CYP7B1: variants seen among roughly 807,000 people sequenced by gnomAD.
CYP7B1 encodes cytochrome P450 7B1.
Under a neutral mutation model 42.7 loss-of-function variants are expected in CYP7B1, and 29 were observed. The observed-to-expected ratio is 0.68, with a 90% CI of 0.51 to 0.93. CYP7B1 has a LOEUF of 0.93. CYP7B1 is among the 40% of genes least tolerant of loss of function. The probability of loss-of-function intolerance (pLI) is 0.00; values close to 1 mark genes in which losing one functional copy is unlikely to be tolerated. For missense variants in CYP7B1, 655 were observed against 600.5 expected, an observed-to-expected ratio of 1.09 and a Z score of -0.95; for synonymous variants, 235 against 218.2, an observed-to-expected ratio of 1.08 and a Z score of -0.68.
At chr8:64,604,571 C>T in intron 5 of CYP7B1, 111 bp downstream of exon 5, 2 of 1,149,580 alleles carry the variant, frequency 1.7e-6, no homozygotes, top group Non-Finnish European at 2.6e-6. Context: ...AGCCATCAAG[C>T]TGCCTCAAAC....
chr8:64,763,838 C>T (rs1306861203), intron 1 of CYP7B1, among the ~76,000 whole-genome samples: 2 of 152,250 alleles, frequency 1.3e-5, no homozygotes, highest in Admixed American at 1.3e-4. Context: ...TGTGCCCCTA[C>T]CTTTCCTTCT....
At chr8:64,622,164 T>C (rs1805541210) in intron 2 of CYP7B1, among the ~76,000 whole-genome samples, 1 of 149,242 alleles carries the variant, frequency 6.7e-6, no homozygotes, top group Non-Finnish European at 1.5e-5. Flanking sequence ...ATTTGCATAA[T>C]ACTGCATAAA....
At chr8:64,773,216 C>A (rs923167469) in intron 1 of CYP7B1, among the ~76,000 whole-genome samples, 3 of 152,164 alleles carry the variant, frequency 2.0e-5, no homozygotes. Flanking sequence ...TAAAACAATG[C>A]CTGGTATATA....
chr8:64,792,623 C>T (rs1804636992), intron 1 of CYP7B1, among the ~76,000 whole-genome samples: 1 of 152,110 alleles, frequency 6.6e-6, no homozygotes, highest in South Asian at 2.1e-4. Flanking sequence ...TGGGATTATC[C>T]AGAAAAGATC....
intron 1 of CYP7B1, among the ~76,000 whole-genome samples, chr8:64,639,926 G>A (rs2129630945): frequency 6.6e-6 from 1 of 152,068 alleles, no homozygotes; most frequent in South Asian, 2.1e-4. Flanking sequence ...ATAATATTTA[G>A]TTTATAGAAT....
intron 1 of CYP7B1, among the ~76,000 whole-genome samples, chr8:64,784,439 T>C (rs1309269941): frequency 2.0e-5 from 3 of 152,184 alleles, no homozygotes; most frequent in Non-Finnish European, 4.4e-5. Flanking sequence ...AGTGAACTGT[T>C]GACTAGAGCC....
Position 64,709,717 on chromosome 8 carries a change from G to C in CYP7B1, c.123-85178C>G, listed in dbSNP as rs368274381. ...TTTGTGTTACAAGCGCCAGAAAAAG[G>C]ATAAACGGCATACACAGTGTATAGC... On this transcript the variant is annotated intron_variant, in intron 1 of 5. Coordinates refer to ENST00000310193, the MANE Select transcript of CYP7B1 (RefSeq NM_004820.5). Among the ~76,000 whole-genome samples, 22 of 152,260 alleles carry C rather than the reference G, an allele frequency of 1.4e-4. No individual in the cohort carries two copies. The South Asian group carries it at 4.6e-3, about 32-fold the overall frequency.
intron 1 of CYP7B1, among the ~76,000 whole-genome samples, chr8:64,722,236 C>T (rs1392859367): frequency 6.6e-6 from 1 of 152,200 alleles, no homozygotes; most frequent in East Asian, 1.9e-4. Flanking sequence ...CCTGGCCTCT[C>T]TAGACTGTAC....
chr8:64,629,965 A>T (rs1805665792), intron 1 of CYP7B1, among the ~76,000 whole-genome samples: 1 of 152,202 alleles, frequency 6.6e-6, no homozygotes, highest in African/African-American at 2.4e-5. Flanking sequence ...ACAAGGAAGC[A>T]CAAGGCCACA....
chr8:64,596,601 G>C lies in CYP7B1; in HGVS notation c.*41C>G. 1 of 1,548,518 alleles carries C rather than the reference G, an allele frequency of 6.5e-7. No homozygotes were observed. On this transcript the variant is annotated 3_prime_UTR_variant, in exon 6 of 6. Transcript: ENST00000310193. ...GAAATAGATGAGCTTAGGATGTTTAGGGTAATTTTGATAGATTTATTTTCT... is the reference window on the plus strand; with the variant it reads ...GAAATAGATGAGCTTAGGATGTTTACGGTAATTTTGATAGATTTATTTTCT...
Position 64,761,120 on chromosome 8 carries a change from C to T in CYP7B1, c.122+37346G>A, listed in dbSNP as rs925923339. ...CAAGCATTAGATGATATCACTTACA[C>T]GTGGAATCTAAAAAGGTTGAACCTA... is the stretch of plus-strand genomic sequence containing the variant. On this transcript the variant is annotated intron_variant, in intron 1 of 5. Coordinates refer to ENST00000310193, the MANE Select transcript of CYP7B1 (RefSeq NM_004820.5). 6.6e-5 allele frequency among the ~76,000 whole-genome samples: 10 copies of T among 152,028 alleles called. No homozygotes were observed. The East Asian group carries it at 1.4e-3, about 21-fold the overall frequency.
chr8:64,643,485 G>A (rs568222443), intron 1 of CYP7B1, among the ~76,000 whole-genome samples: 52 of 152,258 alleles, frequency 3.4e-4, no homozygotes, highest in Non-Finnish European at 5.9e-4. Flanking sequence ...TTTGCTAGAG[G>A]AGGGTCTTGC....
chr8:64,777,085 C>T (rs974695685), intron 1 of CYP7B1, among the ~76,000 whole-genome samples: 1 of 150,146 alleles, frequency 6.7e-6, no homozygotes, highest in Non-Finnish European at 1.5e-5. Context: ...ATTGGGATCT[C>T]AGCCATGAGC....
rs560600999 is a variant in CYP7B1 at position 64,773,845 on chromosome 8, T to A, written c.122+24621A>T. 2.9e-4 allele frequency among the ~76,000 whole-genome samples: 44 copies of A among 152,254 alleles called. No individual in the cohort carries two copies. The East Asian group carries it at 6.2e-3, about 21-fold the overall frequency. On this transcript the variant is annotated intron_variant, in intron 1 of 5. Transcript: ENST00000310193. Reference sequence around the variant, plus strand: ...AGAGAGAGCTCACTTTTATAACAAATCCACTCTCACAATAAATAACCCACT... The same window carrying A: ...AGAGAGAGCTCACTTTTATAACAAAACCACTCTCACAATAAATAACCCACT...
intron 1 of CYP7B1, among the ~76,000 whole-genome samples, chr8:64,689,351 C>G (rs1806704217): frequency 6.6e-6 from 1 of 152,224 alleles, no homozygotes; most frequent in Non-Finnish European, 1.5e-5. Flanking sequence ...ACTTCAATGG[C>G]AGGCACCATA....
chr8:64,643,067 T>A (rs866366939), intron 1 of CYP7B1, among the ~76,000 whole-genome samples: 48 of 55,546 alleles, frequency 8.6e-4, no homozygotes, highest in Middle Eastern at 0.011. Flanking sequence ...AAAGAATCAA[T>A]AGGATGTGTG....
In CYP7B1 at chr8:64,594,159, C is replaced by A. The variant is rs1439147281; in HGVS notation, c.*2483G>T. On this transcript the variant is annotated 3_prime_UTR_variant, in exon 6 of 6. Transcript: ENST00000310193. ...GGACAAGGCATTTAGCAGCCCTGGG[C>A]TGAGATGGTTAGGCACAGTAGTGTG... 1.3e-5 allele frequency among the ~76,000 whole-genome samples: 2 copies of A among 152,040 alleles called. No homozygotes were observed. Among genetic ancestry groups the A allele is most frequent in the Non-Finnish European group, 2.9e-5 (2 of 67,988 alleles).
rs911559153 is a variant in CYP7B1 at position 64,785,670 on chromosome 8, T to TA, written c.122+12795dup. ...AAAGAAGGTAAAACTAGGGAGACGG[T>TA]AAAAAAAAAAATCAGTGGTTGCCAA... is the stretch of plus-strand genomic sequence containing the variant. On this transcript the variant is annotated intron_variant, in intron 1 of 5. Coordinates refer to ENST00000310193, the MANE Select transcript of CYP7B1 (RefSeq NM_004820.5). Among the ~76,000 whole-genome samples the TA allele has an allele frequency of 2.7e-3, 391 of 146,520 alleles. 2 individuals are homozygous for TA. Among genetic ancestry groups the TA allele is most frequent in the African/African-American group, 3.6e-3 (145 of 40,130 alleles).
At chr8:64,611,840 A>G (rs888595221) in intron 4 of CYP7B1, among the ~76,000 whole-genome samples, 1 of 152,128 alleles carries the variant, frequency 6.6e-6, no homozygotes, top group African/African-American at 2.4e-5. Flanking sequence ...CGCTCCTGTG[A>G]GGTAAGGTAG....
Sources: gnomAD v4.1 joint callset for allele counts (sites outside exome capture counted in the v4.1 genomes callset) on GRCh38, gnomAD v4.1.1 for gene constraint, MANE v1.5 for transcripts, NCBI Gene and HGNC (gene_info 2026-07-23, HGNC 2026-07-21) for gene names.